PLCB4: variants seen among roughly 807,000 people sequenced by gnomAD.
PLCB4 encodes the protein phospholipase C beta 4.
PLCB4 carries 77 observed loss-of-function variants against 178.8 expected under a neutral mutation model. The observed-to-expected ratio is 0.43, with a 90% CI of 0.36 to 0.52. The LOEUF (loss-of-function observed/expected upper bound fraction) is 0.52, where lower values mean the gene tolerates loss of function less well. Ranked by LOEUF, PLCB4 falls within the 20% of genes least tolerant of loss-of-function variation. PLCB4 has a pLI of 0.00. For missense variants in PLCB4, 1,024 were observed against 1,453.4 expected (o/e 0.70, Z 4.80); for synonymous variants, 496 against 490.8 (o/e 1.01, Z -0.14).
At chr20:9,477,137 A>G (rs964764851) in intron 39 of PLCB4, among the ~76,000 whole-genome samples, 1 of 152,194 alleles carries the variant, frequency 6.6e-6, no homozygotes, top group African/African-American at 2.4e-5. Context: ...GCGCTCGCTG[A>G]AAGTTGGTTG....
chr20:9,404,317 A>C (rs987248920), intron 20 of PLCB4, among the ~76,000 whole-genome samples: 2 of 152,158 alleles, frequency 1.3e-5, no homozygotes, highest in Admixed American at 6.5e-5. Flanking sequence ...TGATAGGAAG[A>C]GGGGAGAGTA....
At chr20:9,365,083 T>A (rs1263973130) in intron 8 of PLCB4, among the ~76,000 whole-genome samples, 1 of 152,190 alleles carries the variant, frequency 6.6e-6, no homozygotes, top group Non-Finnish European at 1.5e-5. Flanking sequence ...GTACCAACAA[T>A]GTGTTTTGCT....
chr20:9,467,275 T>C (rs1435472351), intron 35 of PLCB4, among the ~76,000 whole-genome samples: 1 of 151,932 alleles, frequency 6.6e-6, no homozygotes. Flanking sequence ...ACCGGGCCTT[T>C]TGGAGGGTGG....
chr20:9,235,859 C>T (rs74349583), intron 3 of PLCB4, among the ~76,000 whole-genome samples: 4,802 of 152,230 alleles, frequency 0.032, 129 homozygotes, highest in African/African-American at 0.063. Flanking sequence ...CTTACCTTTC[C>T]GGTTTAGCTC....
At chr20:9,323,460 C>T (rs1286494811) in intron 4 of PLCB4, among the ~76,000 whole-genome samples, 3 of 152,194 alleles carry the variant, frequency 2.0e-5, no homozygotes, top group African/African-American at 7.2e-5. Flanking sequence ...GGAATTAATT[C>T]ATCACTCAAC....
chr20:9,328,982 G>T (rs1406297286), intron 4 of PLCB4, among the ~76,000 whole-genome samples: 1 of 151,972 alleles, frequency 6.6e-6, no homozygotes, highest in Non-Finnish European at 1.5e-5. Context: ...CACAGGGGAT[G>T]AAAGATCGGT....
chr20:9,107,951 T>G (rs2091430264), intron 2 of PLCB4, among the ~76,000 whole-genome samples: 1 of 151,852 alleles, frequency 6.6e-6, no homozygotes, highest in African/African-American at 2.4e-5. Context: ...GAAGATAGAG[T>G]CAGTAGGATT....
intron 3 of PLCB4, among the ~76,000 whole-genome samples, chr20:9,230,694 T>C (rs1423655525): frequency 6.6e-6 from 1 of 152,146 alleles, no homozygotes; most frequent in Non-Finnish European, 1.5e-5. Context: ...CCAAGTATGC[T>C]GAGGGCTGGG....
intron 2 of PLCB4, among the ~76,000 whole-genome samples, chr20:9,126,565 T>C (rs2092119583): frequency 1.3e-5 from 2 of 152,206 alleles, no homozygotes; most frequent in Admixed American, 1.3e-4. Context: ...ATTTTGTGTT[T>C]TGTTTCTGAA....
At chr20:9,376,580 C>T (rs1365062757) in intron 12 of PLCB4, among the ~76,000 whole-genome samples, 2 of 152,120 alleles carry the variant, frequency 1.3e-5, no homozygotes, top group South Asian at 2.1e-4. Flanking sequence ...TGAGCTGCCA[C>T]GTGGTGAGAC....
chr20:9,435,726 A>C, intron 29 of PLCB4, 78 bp downstream of exon 29: 1 of 840,962 alleles, frequency 1.2e-6, no homozygotes, highest in Non-Finnish European at 2.0e-6. Flanking sequence ...AAACAAGACA[A>C]AGTAATGAAT....
intron 2 of PLCB4, among the ~76,000 whole-genome samples, chr20:9,204,981 A>G (rs562529270): frequency 3.9e-5 from 6 of 152,288 alleles, no homozygotes; most frequent in East Asian, 3.9e-4. Context: ...TTAAAATTCT[A>G]TGTATACTGA....
At chr20:9,300,274 G>A (rs1373358728) in intron 3 of PLCB4, among the ~76,000 whole-genome samples, 3 of 152,104 alleles carry the variant, frequency 2.0e-5, no homozygotes, top group African/African-American at 7.2e-5. Context: ...GGTCACTTAA[G>A]GTCATGGGTT....
chr20:9,300,350 G>A (rs189254330), intron 3 of PLCB4, among the ~76,000 whole-genome samples: 1 of 152,172 alleles, frequency 6.6e-6, no homozygotes, highest in East Asian at 1.9e-4. Context: ...AAATTTTTTT[G>A]TCATAAGGTT....
intron 3 of PLCB4, among the ~76,000 whole-genome samples, 183 bp from the exon 4 acceptor site, chr20:9,307,617 T>C (rs2094786225): frequency 6.6e-6 from 1 of 151,952 alleles, no homozygotes; most frequent in Non-Finnish European, 1.5e-5. Context: ...TATTTCTTGA[T>C]TATGATATCT....
At chr20:9,075,743 T>C (rs906821307) in intron 1 of PLCB4, among the ~76,000 whole-genome samples, 3 of 152,342 alleles carry the variant, frequency 2.0e-5, no homozygotes, top group African/African-American at 7.2e-5. Context: ...GGCCCAGGAT[T>C]ACCAGTGCCT....
At chr20:9,423,213 A>G (rs2040765574) in intron 27 of PLCB4, among the ~76,000 whole-genome samples, 1 of 152,194 alleles carries the variant, frequency 6.6e-6, no homozygotes, top group Non-Finnish European at 1.5e-5. Context: ...AACAAGGAGG[A>G]CCCAAATTTA....
intron 2 of PLCB4, among the ~76,000 whole-genome samples, chr20:9,152,068 G>A (rs1406792135): frequency 6.6e-6 from 1 of 152,156 alleles, no homozygotes; most frequent in African/African-American, 2.4e-5. Flanking sequence ...ACGGTATCTG[G>A]TGGAAGAAAT....
At chr20:9,408,083 C>T (rs1191197052) in intron 22 of PLCB4, 25 bp downstream of exon 22, 3 of 1,580,690 alleles carry the variant, frequency 1.9e-6, no homozygotes, top group African/African-American at 2.7e-5. Context: ...TAAATGCAGT[C>T]GCCTTTTTTG....
Sources: allele counts gnomAD v4.1 joint callset (sites outside exome capture counted in the v4.1 genomes callset), GRCh38; gene constraint gnomAD v4.1.1; transcripts MANE v1.5; gene names NCBI Gene and HGNC (gene_info 2026-07-23, HGNC 2026-07-21).